Variants in DOK6 observed in about 807,000 individuals in gnomAD.
DOK6 encodes the protein docking protein 6, also known as downstream of tyrosine kinase 6.
DOK6 carries 22 observed loss-of-function variants against 44.0 expected under a neutral mutation model. The ratio of observed to expected loss-of-function variants is 0.50; its 90% CI spans 0.36 to 0.71. The LOEUF is 0.71. DOK6 is among the 30% of genes least tolerant of loss of function. The pLI, the probability that DOK6 is intolerant of heterozygous loss-of-function variation, is 0.00. For synonymous variants in DOK6, 166 were observed against 145.5 expected, an observed-to-expected ratio of 1.14 and a Z score of -1.01; for missense variants, 340 against 416.4, an observed-to-expected ratio of 0.82 and a Z score of 1.60.
At chr18:69,731,852 G>C (rs2144731880) in intron 5 of DOK6, among the ~76,000 whole-genome samples, 1 of 152,256 alleles carries the variant, frequency 6.6e-6, no homozygotes, top group South Asian at 2.1e-4. Context: ...TCAAGTTTCT[G>C]CTTGTCTTCT....
chr18:69,770,757 C>G (rs1356996666), intron 7 of DOK6, among the ~76,000 whole-genome samples: 1 of 152,030 alleles, frequency 6.6e-6, no homozygotes, highest in Non-Finnish European at 1.5e-5. Flanking sequence ...ATGTGTTCCT[C>G]CCTCATTTCA....
At chr18:69,761,588 G>T (rs1439234064) in intron 7 of DOK6, among the ~76,000 whole-genome samples, 2 of 152,138 alleles carry the variant, frequency 1.3e-5, no homozygotes, top group Non-Finnish European at 2.9e-5. Flanking sequence ...TCGTGGTCGG[G>T]TGGATCTTGG....
chr18:69,504,632 G>T (rs896454523), intron 1 of DOK6, among the ~76,000 whole-genome samples: 2 of 152,064 alleles, frequency 1.3e-5, no homozygotes, highest in Non-Finnish European at 2.9e-5. Context: ...GTTTTTAGCA[G>T]TCTATGCAAA....
rs1440692757 is a variant in DOK6, at chr18:69,698,385, A to G, written c.410-19A>G. 1.3e-6 allele frequency: 2 copies of G among 1,591,040 alleles called. No individual in the cohort carries two copies. Among genetic ancestry groups the G allele is most frequent in the Admixed American group, 1.7e-5 (1 of 58,056 alleles). On this transcript the variant is annotated intron_variant, in intron 4 of 7. Coordinates refer to ENST00000382713, the MANE Select transcript of DOK6 (RefSeq NM_152721.6). ...CACCTCTTTTCACTTAACCTTCTCC[A>G]TTCTTCGTCTCTTCACAGAGAGATT...
At chr18:69,552,137 A>G (rs1392960036) in intron 1 of DOK6, among the ~76,000 whole-genome samples, 1 of 152,192 alleles carries the variant, frequency 6.6e-6, no homozygotes, top group Non-Finnish European at 1.5e-5. Flanking sequence ...TGGAAAGGAC[A>G]CTGTTTCTAC....
At chr18:69,703,677 A>T (rs1424082258) in intron 5 of DOK6, among the ~76,000 whole-genome samples, 2 of 152,182 alleles carry the variant, frequency 1.3e-5, no homozygotes, top group Non-Finnish European at 1.5e-5. Context: ...CAATCTTGTG[A>T]CTCAGACATC....
intron 7 of DOK6, among the ~76,000 whole-genome samples, chr18:69,837,234 A>G (rs191252535): frequency 7.6e-4 from 115 of 152,308 alleles, no homozygotes; most frequent in Admixed American, 1.6e-3. Context: ...GGGAAGTCCA[A>G]TATTGAGGGG....
intron 4 of DOK6, 124 bp downstream of exon 4, chr18:69,677,977 A>T: frequency 2.2e-6 from 3 of 1,392,812 alleles, no homozygotes; most frequent in Admixed American, 5.0e-5. Flanking sequence ...GGCCGAGTGC[A>T]GTGGCGCAAA....
At chr18:69,511,663 A>T (rs11663218) in intron 1 of DOK6, among the ~76,000 whole-genome samples, 29,941 of 152,152 alleles carry the variant, frequency 0.2, 3,182 homozygotes, top group African/African-American at 0.24. Flanking sequence ...TCATTTATTG[A>T]TCTCCTTAAC....
chr18:69,737,234 G>T (rs569694756), intron 5 of DOK6, among the ~76,000 whole-genome samples: 1 of 152,322 alleles, frequency 6.6e-6, no homozygotes, highest in Admixed American at 6.5e-5. Context: ...TGACTTAGTT[G>T]CACATGGCTG....
At chr18:69,609,305 G>A (rs962464149) in intron 3 of DOK6, among the ~76,000 whole-genome samples, 6 of 152,184 alleles carry the variant, frequency 3.9e-5, no homozygotes, top group African/African-American at 1.4e-4. Context: ...CATCTCAATA[G>A]CAAATACATA....
At chr18:69,485,561 G>A (rs1980551040) in intron 1 of DOK6, among the ~76,000 whole-genome samples, 1 of 152,032 alleles carries the variant, frequency 6.6e-6, no homozygotes, top group Admixed American at 6.6e-5. Flanking sequence ...GAGAAGTGAA[G>A]GCTTAATCCT....
At chr18:69,627,574 A>G (rs1277567501) in intron 3 of DOK6, among the ~76,000 whole-genome samples, 1 of 152,004 alleles carries the variant, frequency 6.6e-6, no homozygotes, top group Non-Finnish European at 1.5e-5. Flanking sequence ...TCGGCCTCCC[A>G]AGTAGCTGGG....
At chr18:69,522,875 C>T (rs368885404) in intron 1 of DOK6, among the ~76,000 whole-genome samples, 12 of 152,016 alleles carry the variant, frequency 7.9e-5, no homozygotes, top group African/African-American at 2.9e-4. Context: ...CTATATTTTC[C>T]AGTCTCCTTG....
chr18:69,499,091 G>A (rs1568277290), intron 1 of DOK6, among the ~76,000 whole-genome samples: 1 of 152,052 alleles, frequency 6.6e-6, no homozygotes, highest in African/African-American at 2.4e-5. Context: ...AATGGTATAT[G>A]CTGTGTGTAA....
intron 3 of DOK6, chr18:69,663,079 G>T (rs1985570404): frequency 6.6e-6 from 1 of 152,216 alleles, no homozygotes; most frequent in African/African-American, 2.4e-5. Flanking sequence ...AAGGCAGTCT[G>T]CCTGCAGAAT....
intron 5 of DOK6, among the ~76,000 whole-genome samples, chr18:69,717,517 TA>T (rs1190821902): frequency 1.3e-5 from 2 of 152,112 alleles, no homozygotes; most frequent in Non-Finnish European, 2.9e-5. Context: ...TCTTTGAAAA[TA>T]TAGTTTGTGA....
chr18:69,414,723 A>G (rs1280646410), intron 1 of DOK6, among the ~76,000 whole-genome samples: 2 of 152,068 alleles, frequency 1.3e-5, no homozygotes, highest in African/African-American at 2.4e-5. Context: ...AGAAGTTACT[A>G]TGGGGAAAAT....
chr18:69,678,602 G>A (rs1985977103), intron 4 of DOK6, among the ~76,000 whole-genome samples: 1 of 152,158 alleles, frequency 6.6e-6, no homozygotes, highest in African/African-American at 2.4e-5. Flanking sequence ...GTTTCTAATG[G>A]TGTTGACTTA....
Sources: gnomAD v4.1 joint callset for allele counts (sites outside exome capture counted in the v4.1 genomes callset) on GRCh38, gnomAD v4.1.1 for gene constraint, MANE v1.5 for transcripts, NCBI Gene and HGNC (gene_info 2026-07-23, HGNC 2026-07-21) for gene names.